IL1RAPL1: variants seen among roughly 807,000 people sequenced by gnomAD.
IL1RAPL1 encodes the protein interleukin-1 receptor accessory protein-like 1.
A neutral mutation model predicts 48.4 loss-of-function variants in IL1RAPL1; 3 were observed. That is an observed-to-expected ratio of 0.06 (90% CI 0.03 to 0.16). IL1RAPL1 has a LOEUF of 0.16. Among genes scored for constraint, IL1RAPL1 ranks in the 10% least tolerant of loss-of-function variants. IL1RAPL1 has a pLI of 1.00. For missense variants in IL1RAPL1, 349 were observed against 530.6 expected, an observed-to-expected ratio of 0.66 and a Z score of 3.36; for synonymous variants, 185 against 187.7, an observed-to-expected ratio of 0.99 and a Z score of 0.12.
chrX:29,122,869 G>T (rs1030523812), intron 2 of IL1RAPL1, among the ~76,000 whole-genome samples: 1 of 110,698 alleles, frequency 9.0e-6, no homozygotes, highest in African/African-American at 3.3e-5. Context: ...TTACTGCCTA[G>T]TCATACCCTT....
At chrX:29,385,601 A>G (rs1263938038) in intron 3 of IL1RAPL1, among the ~76,000 whole-genome samples, 1 of 112,764 alleles carries the variant, frequency 8.9e-6, no homozygotes, top group African/African-American at 3.2e-5. Context: ...TAATCATACA[A>G]TATTTATCCT....
chrX:29,804,667 C>A (rs191344620), intron 6 of IL1RAPL1, among the ~76,000 whole-genome samples: 30 of 112,364 alleles, frequency 2.7e-4, no homozygotes, highest in Admixed American at 2.1e-3. Flanking sequence ...CATTAAACCT[C>A]TTTCCTTTAT....
chrX:29,899,971 C>T (rs1932466694), intron 6 of IL1RAPL1, among the ~76,000 whole-genome samples: 2 of 111,861 alleles, frequency 1.8e-5, no homozygotes, highest in Admixed American at 1.9e-4. Context: ...GCTTCCATGG[C>T]AGTTCAAACT....
chrX:29,886,711 C>T (rs1232826779), intron 6 of IL1RAPL1, among the ~76,000 whole-genome samples: 1 of 111,947 alleles, frequency 8.9e-6, no homozygotes, highest in African/African-American at 3.2e-5. Flanking sequence ...TTACCATTCA[C>T]AGAATACAAT....
chrX:28,976,952 G>T (rs763837191), intron 2 of IL1RAPL1, among the ~76,000 whole-genome samples: 1 of 112,390 alleles, frequency 8.9e-6, no homozygotes, highest in East Asian at 2.8e-4. Context: ...AACAGCTATA[G>T]ATATCAGGTA....
At chrX:28,621,597 C>A (rs1473489678) in intron 1 of IL1RAPL1, among the ~76,000 whole-genome samples, 1 of 111,867 alleles carries the variant, frequency 8.9e-6, no homozygotes, top group Non-Finnish European at 1.9e-5. Flanking sequence ...AAAAACCTTT[C>A]TGTAAATTCT....
intron 1 of IL1RAPL1, among the ~76,000 whole-genome samples, chrX:28,614,826 G>A (rs1934193136): frequency 8.9e-6 from 1 of 111,835 alleles, no homozygotes; most frequent in African/African-American, 3.3e-5. Context: ...GCCATTGCTT[G>A]TGTTACAGTT....
At chrX:28,774,765 A>C (rs1936344859) in intron 1 of IL1RAPL1, among the ~76,000 whole-genome samples, 1 of 111,707 alleles carries the variant, frequency 9.0e-6, no homozygotes, top group African/African-American at 3.3e-5. Context: ...CATATATGGT[A>C]TGATAAAAGC....
chrX:29,334,351 C>T (rs1449912026), intron 3 of IL1RAPL1, among the ~76,000 whole-genome samples: 136 of 93,174 alleles, frequency 1.5e-3, no homozygotes, highest in African/African-American at 5.3e-3. Context: ...CCCTCCTGGA[C>T]GGGGCGACTG....
intron 2 of IL1RAPL1, among the ~76,000 whole-genome samples, chrX:29,061,105 T>C (rs1399777926): frequency 9.0e-6 from 1 of 111,277 alleles, no homozygotes; most frequent in East Asian, 2.8e-4. Context: ...CTAACCAAAT[T>C]TTCCATTGTA....
intron 3 of IL1RAPL1, among the ~76,000 whole-genome samples, chrX:29,342,146 GTGTGTGTGTT>G (rs1309713974): frequency 4.6e-4 from 44 of 95,442 alleles, no homozygotes; most frequent in Admixed American, 3.1e-3. Context: ...GTGTGTGTGT[GTGTGTGTGTT>G]TGTTTTGTTT....
chrX:29,151,525 C>A (rs1479346302), intron 2 of IL1RAPL1, among the ~76,000 whole-genome samples: 1 of 111,176 alleles, frequency 9.0e-6, no homozygotes, highest in African/African-American at 3.3e-5. Context: ...GCATGACCCC[C>A]CAAACACAAC....
intron 5 of IL1RAPL1, among the ~76,000 whole-genome samples, chrX:29,548,551 A>G (rs1477856747): frequency 8.9e-6 from 1 of 112,234 alleles, no homozygotes; most frequent in Non-Finnish European, 1.9e-5. Context: ...TCTATAACTA[A>G]TATATGTTTT....
intron 1 of IL1RAPL1, among the ~76,000 whole-genome samples, chrX:28,590,419 C>G (rs951768520): frequency 9.0e-6 from 1 of 111,271 alleles, no homozygotes. Context: ...CTCTAAGTAA[C>G]TTTGAAAAGA....
chrX:29,134,649 G>A (rs1213295160), intron 2 of IL1RAPL1, among the ~76,000 whole-genome samples: 2 of 111,075 alleles, frequency 1.8e-5, no homozygotes, highest in African/African-American at 6.5e-5. Context: ...TGCCTCTCTA[G>A]TGTCTAGCAT....
At chrX:29,299,923 GT>G (rs1190665658) in intron 3 of IL1RAPL1, among the ~76,000 whole-genome samples, 7 of 111,784 alleles carry the variant, frequency 6.3e-5, no homozygotes, top group Non-Finnish European at 1.3e-4. Flanking sequence ...TACTTCAGCA[GT>G]GAATGAGTTC....
chrX:29,541,258 G>A (rs1197934354), intron 5 of IL1RAPL1, among the ~76,000 whole-genome samples: 1 of 111,600 alleles, frequency 9.0e-6, no homozygotes, highest in Non-Finnish European at 1.9e-5. Flanking sequence ...CAGAATGGCT[G>A]TTATTAAAAA....
At chrX:29,746,936 C>A (rs1928349531) in intron 6 of IL1RAPL1, among the ~76,000 whole-genome samples, 1 of 112,279 alleles carries the variant, frequency 8.9e-6, no homozygotes, top group African/African-American at 3.2e-5. Flanking sequence ...AATCATGAAA[C>A]CCTATATTAA....
chrX:28,865,974 G>A (rs1397521181), intron 2 of IL1RAPL1, among the ~76,000 whole-genome samples: 1 of 111,650 alleles, frequency 9.0e-6, no homozygotes, highest in Non-Finnish European at 1.9e-5. Flanking sequence ...AAATAGGTGA[G>A]GAAGTGGAAA....
Sources: allele counts gnomAD v4.1 joint callset (sites outside exome capture counted in the v4.1 genomes callset), GRCh38; gene constraint gnomAD v4.1.1; transcripts MANE v1.5; gene names NCBI Gene and HGNC (gene_info 2026-07-23, HGNC 2026-07-21).